The following PTPRE variants were observed in gnomAD, a reference collection of about 807,000 sequenced individuals.
PTPRE encodes receptor-type tyrosine-protein phosphatase epsilon.
PTPRE carries 51 observed loss-of-function variants against 102.0 expected under a neutral mutation model. The observed-to-expected ratio is 0.50, with a 90% CI of 0.40 to 0.63. The LOEUF is 0.63. Among genes scored for constraint, PTPRE ranks in the 30% least tolerant of loss-of-function variants. PTPRE has a pLI of 0.00. For synonymous variants in PTPRE, 345 were observed against 348.2 expected (o/e 0.99, Z 0.10); for missense variants, 752 against 915.1 (o/e 0.82, Z 2.30).
At chr10:127,938,259 C>T (rs901360732) in intron 1 of PTPRE, among the ~76,000 whole-genome samples, 1 of 152,178 alleles carries the variant, frequency 6.6e-6, no homozygotes, top group African/African-American at 2.4e-5. Context: ...GGGGAGTGTG[C>T]TGTGTCACTG....
At chr10:128,077,191 G>A (rs577498661) in intron 18 of PTPRE, among the ~76,000 whole-genome samples, 53 of 152,268 alleles carry the variant, frequency 3.5e-4, no homozygotes, top group African/African-American at 1.2e-3. Context: ...TCAGTATCAC[G>A]TAATGCACCT....
chr10:128,076,789 G>A (rs960686380), intron 18 of PTPRE, 61 bp downstream of exon 18: 6 of 1,595,926 alleles, frequency 3.8e-6, no homozygotes, highest in Non-Finnish European at 5.1e-6. Context: ...CTCCCTCTGG[G>A]TTCTGCTTGT....
At chr10:127,968,009 GGTGTGTGTGTGTGTGTGTGTGT>G (rs142445895) in intron 1 of PTPRE, among the ~76,000 whole-genome samples, 1 of 143,134 alleles carries the variant, frequency 7.0e-6, no homozygotes, top group Non-Finnish European at 1.5e-5. Context: ...TTGCTCTATA[GGTGTGTGTGTGTGTGTGTGTGT>G]GTGTGTGTGT....
intron 6 of PTPRE, among the ~76,000 whole-genome samples, chr10:128,055,310 C>T (rs1194192963): frequency 6.6e-6 from 1 of 152,168 alleles, no homozygotes; most frequent in Non-Finnish European, 1.5e-5. Flanking sequence ...TCAGAGATGG[C>T]GGCTGCAGGC....
chr10:127,907,456 GCCCC>G lies in PTPRE; in HGVS notation c.-31+149_-31+152del. On this transcript the variant is annotated intron_variant, in intron 1 of 20. Coordinates refer to ENST00000254667, the MANE Select transcript of PTPRE (RefSeq NM_006504.6). This position sits in a 1 kb window ranked among gnomAD's most constrained non-coding sequence, Gnocchi z 4.8. ...TCAGAGTCCGGACCCCGGCCCCGCC[GCCCC>G]CGCGGCGCGCCCAGTACCAGCGGCT... 2 of 511,660 alleles carry G rather than the reference GCCCC, an allele frequency of 3.9e-6. No homozygotes were observed. Among genetic ancestry groups the G allele is most frequent in the Non-Finnish European group, 5.0e-6 (2 of 397,874 alleles). 31.7% of individuals were successfully genotyped at this position (511,660 alleles called of 1,614,324 possible).
At chr10:127,986,653 C>T (rs1852113532) in intron 2 of PTPRE, among the ~76,000 whole-genome samples, 1 of 152,120 alleles carries the variant, frequency 6.6e-6, no homozygotes, top group African/African-American at 2.4e-5. Context: ...GATTTTTTCT[C>T]TTCTGACTCA....
chr10:128,077,936 C>G (rs773609563), intron 19 of PTPRE, among the ~76,000 whole-genome samples, 153 bp downstream of exon 19: 3 of 152,218 alleles, frequency 2.0e-5, no homozygotes, highest in Non-Finnish European at 2.9e-5. Flanking sequence ...CATGCACACA[C>G]GACTTCACTT....
chr10:127,917,410 A>G (rs369207135), intron 1 of PTPRE, among the ~76,000 whole-genome samples: 1 of 152,158 alleles, frequency 6.6e-6, no homozygotes, highest in Non-Finnish European at 1.5e-5. Flanking sequence ...GGCCAGGTGC[A>G]GTGGCTCATG....
chr10:127,923,116 G>A (rs1310486457), intron 1 of PTPRE, among the ~76,000 whole-genome samples: 1 of 152,260 alleles, frequency 6.6e-6, no homozygotes, highest in African/African-American at 2.4e-5. Context: ...TGCTCAGCCC[G>A]GCATAGCGGC....
chr10:127,939,184 G>T (rs569871486), intron 1 of PTPRE, among the ~76,000 whole-genome samples: 1 of 152,222 alleles, frequency 6.6e-6, no homozygotes, highest in East Asian at 1.9e-4. Flanking sequence ...ATCATTTGTG[G>T]TTCATGTTAT....
At chr10:128,044,558 A>AACAC (rs970399088) in intron 3 of PTPRE, among the ~76,000 whole-genome samples, 2 of 152,012 alleles carry the variant, frequency 1.3e-5, no homozygotes, top group East Asian at 3.9e-4. Flanking sequence ...TATGTAAGCA[A>AACAC]ACACACACAC....
chr10:128,078,952 C>T (rs1477243257), intron 19 of PTPRE, among the ~76,000 whole-genome samples: 2 of 152,194 alleles, frequency 1.3e-5, no homozygotes, highest in African/African-American at 2.4e-5. Flanking sequence ...CCCAGTACAC[C>T]TGGGCTCTCC....
intron 1 of PTPRE, among the ~76,000 whole-genome samples, chr10:127,956,137 T>G (rs1849387376): frequency 6.6e-6 from 1 of 152,334 alleles, no homozygotes; most frequent in South Asian, 2.1e-4. Flanking sequence ...AAATTAAGTA[T>G]GATTTCAGGA....
At chr10:127,991,317 T>G (rs1358381092) in intron 2 of PTPRE, among the ~76,000 whole-genome samples, 2 of 152,258 alleles carry the variant, frequency 1.3e-5, no homozygotes, top group East Asian at 1.9e-4. Flanking sequence ...CGGACTGACT[T>G]AATTTTTAAT....
chr10:127,918,579 G>GA (rs1168008299), intron 1 of PTPRE, among the ~76,000 whole-genome samples: 1 of 150,388 alleles, frequency 6.6e-6, no homozygotes, highest in Non-Finnish European at 1.5e-5. Flanking sequence ...AAAAAAGAGA[G>GA]AAAATCTATA....
At chr10:128,067,319 C>T (rs1245924013) in intron 11 of PTPRE, among the ~76,000 whole-genome samples, 1 of 151,774 alleles carries the variant, frequency 6.6e-6, no homozygotes, top group Non-Finnish European at 1.5e-5. Flanking sequence ...CACATTCACA[C>T]ATGTGCACAC....
intron 1 of PTPRE, among the ~76,000 whole-genome samples, chr10:127,971,540 G>C (rs185602054): frequency 6.6e-6 from 1 of 152,340 alleles, no homozygotes; most frequent in Admixed American, 6.5e-5. Context: ...CCCTGGCCTT[G>C]CTGTCCTCGC....
chr10:128,040,859 C>T lies in PTPRE; in HGVS notation c.-7-16C>T. 1 of 1,605,390 alleles carries T rather than the reference C, an allele frequency of 6.2e-7. No homozygotes were observed. The highest frequency in any genetic ancestry group is 8.5e-7 in the Non-Finnish European group (1 of 1,172,332). Reference sequence around the variant, plus strand: ...GCTGCTGGATGACCTCTGAGCCTGTCCCTGCCTCTCTGCAGGTCCACCATG... The same window carrying T: ...GCTGCTGGATGACCTCTGAGCCTGTTCCTGCCTCTCTGCAGGTCCACCATG... On this transcript the variant is annotated splice_polypyrimidine_tract_variant and intron_variant, in intron 2 of 20. Coordinates refer to ENST00000254667, the MANE Select transcript of PTPRE (RefSeq NM_006504.6).
At chr10:128,020,757 TG>T (rs1159787110) in intron 2 of PTPRE, among the ~76,000 whole-genome samples, 3 of 152,338 alleles carry the variant, frequency 2.0e-5, no homozygotes, top group African/African-American at 7.2e-5. Context: ...CTCACAGTAC[TG>T]CCATCCTGCT....
Sources: gnomAD v4.1 joint callset for allele counts (sites outside exome capture counted in the v4.1 genomes callset) on GRCh38, gnomAD v4.1.1 for gene constraint, Gnocchi (gnomAD v3.1) non-coding constraint, MANE v1.5 for transcripts, NCBI Gene and HGNC (gene_info 2026-07-23, HGNC 2026-07-21) for gene names.